Variants in ARHGAP23 observed in about 807,000 individuals in gnomAD.
ARHGAP23 encodes the protein Rho GTPase activating protein 23, also known as rho GTPase-activating protein 23.
ARHGAP23 carries 34 observed loss-of-function variants against 136.3 expected under a neutral mutation model. The observed-to-expected ratio is 0.25, with a 90% CI of 0.19 to 0.33. The LOEUF (loss-of-function observed/expected upper bound fraction) is 0.33. Ranked by LOEUF, ARHGAP23 falls within the 10% of genes least tolerant of loss-of-function variation. ARHGAP23 has a pLI of 1.00. For synonymous variants in ARHGAP23, 832 were observed against 920.5 expected (o/e 0.90, Z 1.74); for missense variants, 1,808 against 2,139.0 (o/e 0.85, Z 3.05).
chr17:38,493,141 A>ATTG, intron 20 of ARHGAP23, among the ~76,000 whole-genome samples: 1 of 140,956 alleles, frequency 7.1e-6, no homozygotes, highest in East Asian at 2.0e-4. Flanking sequence ...TAAATTGCTA[A>ATTG]TTGAGGTTAC....
intron 1 of ARHGAP23, among the ~76,000 whole-genome samples, chr17:38,448,433 T>A (rs2039081368): frequency 6.6e-6 from 1 of 152,198 alleles, no homozygotes; most frequent in Non-Finnish European, 1.5e-5. Flanking sequence ...TTCTTTAATT[T>A]ACTTAATCCT....
At chr17:38,501,146 G>A (rs1298065630) in intron 23 of ARHGAP23, 1 of 152,162 alleles carries the variant, frequency 6.6e-6, no homozygotes, top group Non-Finnish European at 1.5e-5. Flanking sequence ...TTGAAAAAAA[G>A]CAATGAAACC....
intron 14 of ARHGAP23, 67 bp downstream of exon 14, chr17:38,479,950 C>CGT (rs996993790): frequency 9.2e-5 from 140 of 1,527,474 alleles, no homozygotes; most frequent in Middle Eastern, 7.0e-4. Flanking sequence ...GGAGGGCACG[C>CGT]GTGTGTGTGT....
chr17:38,475,563 G>T (rs2039873856), intron 11 of ARHGAP23, among the ~76,000 whole-genome samples: 1 of 152,224 alleles, frequency 6.6e-6, no homozygotes, highest in Non-Finnish European at 1.5e-5. Context: ...CAGCCACGGG[G>T]TCTCTTTGTC....
intron 1 of ARHGAP23, among the ~76,000 whole-genome samples, chr17:38,456,054 C>G (rs966758110): frequency 6.6e-6 from 1 of 152,128 alleles, no homozygotes; most frequent in Non-Finnish European, 1.5e-5. Flanking sequence ...TTTTCCAGAC[C>G]GTATAGGAGT....
At position 38,479,805 on chromosome 17, in the gene ARHGAP23, G is replaced by A. The variant is rs1276302227; in HGVS notation, c.2551G>A (p.Gly851Arg). 1 of 1,526,174 alleles carries A rather than the reference G, an allele frequency of 6.6e-7. No individual in the cohort carries two copies. The highest frequency in any genetic ancestry group is 8.8e-7 in the Non-Finnish European group (1 of 1,134,360). The allele number at this position is 1,526,174 out of a possible 1,614,324, so 94.5% of individuals were successfully genotyped here. ...DSSPKGSRGL[G>R]GLKSEFLKQS... ...CTCCCCCAAAGGCTCTCGCGGCCTG[G>A]GGGGCCTCAAGTCTGAGTTCCTCAA... is the stretch of plus-strand genomic sequence containing the variant. Residue 851 changes from glycine to arginine, a missense_variant, in exon 14 of 24, where the codon GGG (glycine) becomes AGG (arginine). Coordinates refer to ENST00000622683, the MANE Select transcript of ARHGAP23 (RefSeq NM_001199417.2).
intron 1 of ARHGAP23, among the ~76,000 whole-genome samples, chr17:38,421,111 C>G (rs2038516531): frequency 6.6e-6 from 1 of 152,220 alleles, no homozygotes; most frequent in South Asian, 2.1e-4. Context: ...TCCCAGAGGA[C>G]AGACCACAGC....
intron 20 of ARHGAP23, among the ~76,000 whole-genome samples, chr17:38,493,024 G>A: frequency 6.6e-6 from 1 of 152,224 alleles, no homozygotes; most frequent in East Asian, 1.9e-4. Flanking sequence ...CCCCAAGGGG[G>A]AGTCCCTGCT....
chr17:38,438,757 G>A (rs1254469014), intron 1 of ARHGAP23, among the ~76,000 whole-genome samples: 2 of 152,134 alleles, frequency 1.3e-5, no homozygotes, highest in African/African-American at 4.8e-5. Flanking sequence ...GCTGAGGTGG[G>A]CGGATCATCT....
rs555854630 is a variant in ARHGAP23 at position 38,487,304 on chromosome 17, C to T, written c.2986+1164C>T. Among the ~76,000 whole-genome samples the T allele has an allele frequency of 3.7e-4, 56 of 152,322 alleles. 1 individual carries two copies. Among genetic ancestry groups the T allele is most frequent in the African/African-American group, 1.2e-3 (49 of 41,580 alleles). ...ATAGACTACAATTTCTTTAAGTACT[C>T]CTCTATTGATGGATATTTAGGTTGT... On this transcript the variant is annotated intron_variant, in intron 17 of 23. Transcript: ENST00000622683.
At chr17:38,498,312 T>A (rs1210006323) in intron 21 of ARHGAP23, 102 bp from the exon 22 acceptor site, 1 of 873,780 alleles carries the variant, frequency 1.1e-6, no homozygotes, top group Non-Finnish European at 1.7e-6. Flanking sequence ...GAGCCCGGTC[T>A]GATGGAGGAG....
intron 6 of ARHGAP23, among the ~76,000 whole-genome samples, chr17:38,463,804 C>T (rs1176434719): frequency 6.6e-6 from 1 of 152,136 alleles, no homozygotes; most frequent in Non-Finnish European, 1.5e-5. Flanking sequence ...GTCATGTGCA[C>T]CACACAGTAC....
chr17:38,469,093 G>T, intron 7 of ARHGAP23, 51 bp from the exon 8 acceptor site: 1 of 1,498,322 alleles, frequency 6.7e-7, no homozygotes, highest in Non-Finnish European at 9.0e-7. Context: ...GTGGAGGCAG[G>T]CAGGCTCCGC....
In ARHGAP23 at chr17:38,463,150, G is replaced by A. The variant is rs1213596593; in HGVS notation, c.382G>A (p.Val128Ile). Residue 128 changes from valine (V) to isoleucine (I), a missense_variant, in exon 5 of 24, where the codon GTC becomes ATC. By Grantham distance (29) the Val-to-Ile change is conservative. Transcript: ENST00000622683. The part of the protein sequence containing the change: ...DRLVKVNGES[V>I]IGKTYSQVIA... ...GCTGGTAAAGGTGAATGGGGAAAGC[G>A]TCATTGGGAAGACCTACTCTCAGGT... 9.7e-6 allele frequency: 15 copies of A among 1,551,438 alleles called. No homozygotes were observed. Among genetic ancestry groups the A allele is most frequent in the East Asian group, 4.9e-5 (2 of 40,930 alleles).
At chr17:38,481,925 G>A (rs1334312096) in intron 14 of ARHGAP23, 97 bp from the exon 15 acceptor site, 38 of 1,281,736 alleles carry the variant, frequency 3.0e-5, no homozygotes, top group Non-Finnish European at 1.1e-5. Context: ...CTTCTCTGAT[G>A]GAATCCCCAT....
chr17:38,439,564 T>G (rs929854195), intron 1 of ARHGAP23, among the ~76,000 whole-genome samples: 5 of 152,232 alleles, frequency 3.3e-5, no homozygotes, highest in Non-Finnish European at 7.3e-5. Context: ...AAACTTGTAT[T>G]GCGGGCCTCA....
In ARHGAP23 at chr17:38,466,630, C is replaced by T; in HGVS notation, c.947C>T (p.Ser316Phe). 1 of 1,521,820 alleles carries T rather than the reference C, an allele frequency of 6.6e-7. No homozygotes were observed. Among genetic ancestry groups the T allele is most frequent in the Middle Eastern group, 1.7e-4 (1 of 5,766 alleles). The allele number at this position is 1,521,820 out of a possible 1,614,324, so 94.3% of individuals were successfully genotyped here. ...PAMAPRARSA[S>F]QDRLEEVAAP... ...ATGGCCCCCCGGGCCCGCAGCGCCT[C>T]CCAGGACCGGTTGGAGGAGGTGGCT... The change falls in exon 7 of 24, where the codon TCC becomes TTC. Residue 316 changes from serine (S) to phenylalanine (F), a missense_variant. Around this residue, in one of 7 missense-constraint regions of ARHGAP23, gnomAD observed 859 missense variants for 936.4 expected, o/e 0.92. Transcript: ENST00000622683.
At chr17:38,488,968 C>T (rs1172097559) in intron 17 of ARHGAP23, among the ~76,000 whole-genome samples, 6 of 151,774 alleles carry the variant, frequency 4.0e-5, no homozygotes, top group East Asian at 2.0e-4. Flanking sequence ...CTCCGCCTCC[C>T]GGGTTCAAGC....
At chr17:38,435,847 C>G (rs996077365) in intron 1 of ARHGAP23, among the ~76,000 whole-genome samples, 2 of 152,186 alleles carry the variant, frequency 1.3e-5, no homozygotes, top group Non-Finnish European at 2.9e-5. Context: ...GTGATCCGCC[C>G]GCCTCAGCCT....
Sources: gnomAD v4.1 joint callset for allele counts (sites outside exome capture counted in the v4.1 genomes callset) on GRCh38, gnomAD v4.1.1 for gene constraint, gnomAD v4.1.1 regional missense constraint, MANE v1.5 for transcripts, NCBI Gene and HGNC (gene_info 2026-07-23, HGNC 2026-07-21) for gene names.